The following GFRA2 variants were observed in gnomAD, a reference collection of about 807,000 sequenced individuals.
GFRA2 encodes the protein GDNF family receptor alpha 2.
A neutral mutation model predicts 48.3 loss-of-function variants in GFRA2; 17 were observed. The observed-to-expected ratio is 0.35, with a 90% confidence interval of 0.24 to 0.53. The LOEUF (loss-of-function observed/expected upper bound fraction) is 0.53. GFRA2 is among the 20% of genes least tolerant of loss of function. GFRA2 has a pLI of 0.93. For synonymous variants in GFRA2, 305 were observed against 257.2 expected, an observed-to-expected ratio of 1.19 and a Z score of -1.78; for missense variants, 660 against 637.3, an observed-to-expected ratio of 1.04 and a Z score of -0.38.
intron 3 of GFRA2, among the ~76,000 whole-genome samples, chr8:21,754,791 G>A (rs1399405991): frequency 6.6e-6 from 1 of 152,172 alleles, no homozygotes; most frequent in African/African-American, 2.4e-5. Flanking sequence ...TTACAGGCAT[G>A]AGTCACTGTG....
intron 7 of GFRA2, among the ~76,000 whole-genome samples, chr8:21,698,529 G>GC (rs1802321463): frequency 6.6e-6 from 1 of 152,082 alleles, no homozygotes; most frequent in Non-Finnish European, 1.5e-5. Context: ...TGTCCTGCTG[G>GC]CTGAAGCCAT....
Position 21,702,872 on chromosome 8 carries a change from AAAG to A in GFRA2, c.1148_1150del (p.Ser383del), listed in dbSNP as rs1353466939. The A allele has an allele frequency of 1.2e-6, 2 of 1,609,544 alleles. No individual in the cohort carries two copies. Among genetic ancestry groups the A allele is most frequent in the Non-Finnish European group, 1.7e-6 (2 of 1,177,738 alleles). ...GGTACTGTCACTGAGGTCATCTGGC[AAAG>A]AAGGCGTCTTCTCCACCCGAGGGGC... On this transcript the variant is annotated inframe_deletion, in exon 7 of 9. Coordinates refer to ENST00000524240, the MANE Select transcript of GFRA2 (RefSeq NM_001495.5).
chr8:21,745,883 C>G (rs1804980435), intron 4 of GFRA2, among the ~76,000 whole-genome samples: 2 of 152,208 alleles, frequency 1.3e-5, no homozygotes, highest in African/African-American at 4.8e-5. Flanking sequence ...CCCACACCAT[C>G]CACCCTGATG....
intron 3 of GFRA2, among the ~76,000 whole-genome samples, chr8:21,771,484 C>A (rs965279713): frequency 4.6e-4 from 70 of 152,322 alleles, no homozygotes; most frequent in African/African-American, 1.6e-3. Flanking sequence ...TGACCCACTG[C>A]TGAGCCCAGG....
chr8:21,790,121 G>A, upstream of GFRA2: 2 of 984,638 alleles, frequency 2.0e-6, no homozygotes, highest in Non-Finnish European at 1.2e-6. Context: ...GGACCTAAAA[G>A]GAAGCGTCTG....
chr8:21,758,008 A>G (rs1222519251), intron 3 of GFRA2, among the ~76,000 whole-genome samples: 1 of 152,040 alleles, frequency 6.6e-6, no homozygotes, highest in Non-Finnish European at 1.5e-5. Flanking sequence ...ATGCACTCGG[A>G]GGGGGAAGTC....
intron 4 of GFRA2, among the ~76,000 whole-genome samples, chr8:21,727,472 C>T (rs1803928924): frequency 6.6e-6 from 1 of 152,206 alleles, no homozygotes; most frequent in African/African-American, 2.4e-5. Flanking sequence ...AAGCGCTCTG[C>T]CAGGGCAGAA....
At chr8:21,808,880 C>T (rs1052082926) in intron 1 of GFRA2, among the ~76,000 whole-genome samples, 1 of 152,216 alleles carries the variant, frequency 6.6e-6, no homozygotes, top group Admixed American at 6.5e-5. Flanking sequence ...CTACGAGTGA[C>T]AATAAGGAAA....
At chr8:21,806,253 T>C (rs1014338538) in intron 1 of GFRA2, among the ~76,000 whole-genome samples, 4 of 152,236 alleles carry the variant, frequency 2.6e-5, no homozygotes, top group African/African-American at 9.6e-5. Flanking sequence ...GCAAAAGAGA[T>C]ACATTTTCAG....
At chr8:21,761,302 T>C (rs1214034641) in intron 3 of GFRA2, among the ~76,000 whole-genome samples, 4 of 152,212 alleles carry the variant, frequency 2.6e-5, no homozygotes, top group Non-Finnish European at 5.9e-5. Context: ...GATTGACGAA[T>C]AAAACCACCA....
At chr8:21,729,848 C>G (rs1300589249) in intron 4 of GFRA2, among the ~76,000 whole-genome samples, 2 of 152,194 alleles carry the variant, frequency 1.3e-5, no homozygotes, top group Non-Finnish European at 2.9e-5. Flanking sequence ...GACCACATCC[C>G]GCCCTGACCT....
chr8:21,793,406 G>T (rs993910356), upstream of GFRA2, among the ~76,000 whole-genome samples: 32 of 152,138 alleles, frequency 2.1e-4, no homozygotes, highest in Admixed American at 2.1e-3. Flanking sequence ...GTTGTCAGAG[G>T]CAGTGTAAGG....
At chr8:21,703,641 G>A (rs1802594681) in intron 6 of GFRA2, among the ~76,000 whole-genome samples, 1 of 152,128 alleles carries the variant, frequency 6.6e-6, no homozygotes, top group South Asian at 2.1e-4. Flanking sequence ...AGCCTTGAAG[G>A]TATCATCTCT....
At chr8:21,795,507 C>A (rs1807656010) in intron 2 of GFRA2, among the ~76,000 whole-genome samples, 1 of 152,118 alleles carries the variant, frequency 6.6e-6, no homozygotes. Context: ...ATTCTCATGC[C>A]TCAGCATCCC....
chr8:21,786,347 T>C (rs1430108211), intron 1 of GFRA2, among the ~76,000 whole-genome samples: 5 of 152,232 alleles, frequency 3.3e-5, no homozygotes, highest in African/African-American at 1.2e-4. Flanking sequence ...CCACAGATGG[T>C]GCCCACACCT....
upstream of GFRA2, among the ~76,000 whole-genome samples, chr8:21,789,835 C>A (rs1244812606): frequency 2.0e-5 from 3 of 152,240 alleles, no homozygotes; most frequent in African/African-American, 4.8e-5. Context: ...CTGACCACCT[C>A]CTCGGAGGCC....
At chr8:21,792,854 C>A (rs7846398), upstream of GFRA2, among the ~76,000 whole-genome samples, 2 of 152,146 alleles carry the variant, frequency 1.3e-5, no homozygotes, top group Non-Finnish European at 2.9e-5. Context: ...CACCTGAGGT[C>A]GGGAGTTCCA....
intron 4 of GFRA2, among the ~76,000 whole-genome samples, chr8:21,734,332 GC>G (rs1804346258): frequency 6.6e-6 from 1 of 152,358 alleles, no homozygotes; most frequent in South Asian, 2.1e-4. Context: ...CAAGCACCCA[GC>G]CTTCCTTGCC....
In GFRA2 at chr8:21,706,007, C is replaced by T. The variant is rs1346166930; in HGVS notation, c.829G>A (p.Ala277Thr). 1 of 1,579,386 alleles carries T rather than the reference C, an allele frequency of 6.3e-7. No individual in the cohort carries two copies. The highest frequency in any genetic ancestry group is 1.8e-5 in the Admixed American group (1 of 55,230). ...CAGCTGGTGACCGTCTGGTAGGAGG[C>T]TCGACAATTGGCATGGAAGTCGGCC... is the stretch of plus-strand genomic sequence containing the variant. ...RLADFHANCRASYQTVTSCPA... is the reference protein window; with the variant it reads ...RLADFHANCRTSYQTVTSCPA... The change falls in exon 5 of 9, where the codon GCC becomes ACC. Residue 277 changes from alanine to threonine, a missense_variant. Physicochemically the swap from Ala to Thr is moderately conservative, Grantham distance 58 (BLOSUM62 0). Transcript: ENST00000524240.
Sources: allele counts gnomAD v4.1 joint callset (sites outside exome capture counted in the v4.1 genomes callset), GRCh38; gene constraint gnomAD v4.1.1; transcripts MANE v1.5; gene names NCBI Gene and HGNC (gene_info 2026-07-23, HGNC 2026-07-21).